Variants in MESP1 observed in about 807,000 individuals in gnomAD.
MESP1 encodes the protein mesoderm posterior protein 1.
A neutral mutation model predicts 15.2 loss-of-function variants in MESP1; 22 were observed. The observed-to-expected ratio is 1.45, with a 90% CI of 1.04 to 2.07. The LOEUF is 2.07. Ranked by LOEUF, MESP1 falls within the 30% of genes most tolerant of loss-of-function variation. The pLI, the probability that MESP1 is intolerant of heterozygous loss-of-function variation, is 0.00. For missense variants in MESP1, 484 were observed against 411.9 expected (o/e 1.17, Z -1.51); for synonymous variants, 216 against 192.6 (o/e 1.12, Z -1.01).
the MESP1 span, among the ~76,000 whole-genome samples, chr15:89,739,703 A>C: frequency 3.0e-4 from 45 of 152,182 alleles, no homozygotes; most frequent in Non-Finnish European, 4.6e-4. Context: ...CTACAGAACT[A>C]GGTGGCTCTG....
chr15:89,746,199 T>TCA (rs1967945017), downstream of MESP1, among the ~76,000 whole-genome samples: 1 of 120,014 alleles, frequency 8.3e-6, no homozygotes, highest in Non-Finnish European at 1.7e-5. Flanking sequence ...CCATACCTAC[T>TCA]CACCTCCACA....
the MESP1 span, among the ~76,000 whole-genome samples, chr15:89,740,565 G>A: frequency 6.6e-6 from 1 of 152,252 alleles, no homozygotes; most frequent in East Asian, 1.9e-4. Flanking sequence ...GCACTGGCGC[G>A]ATCTCGGCTC....
chr15:89,750,133 G>C lies in MESP1; in HGVS notation c.*11C>G. 6.2e-7 allele frequency: 1 copy of C among 1,613,546 alleles called. No homozygotes were observed. The highest frequency in any genetic ancestry group is 1.7e-5 in the Admixed American group (1 of 60,036). ...CTCGGTGCTCACAGAGACGGCGTCA[G>C]TTGTCCCTTGTCACTTGGGCTCCTC... On this transcript the variant is annotated 3_prime_UTR_variant, in exon 2 of 2. Coordinates refer to ENST00000300057, the MANE Select transcript of MESP1 (RefSeq NM_018670.4).
rs770170468 is a variant in MESP1 at position 89,750,988 on chromosome 15, C to G, written c.244G>C (p.Gly82Arg). The change falls in exon 1 of 2, where the codon GGG (glycine) becomes CGG (arginine). Residue 82 changes from glycine (G) to arginine (R), a missense_variant. Coordinates refer to ENST00000300057, the MANE Select transcript of MESP1 (RefSeq NM_018670.4). ...RGARSSRLGS[G>R]QRQSASEREK... ...CGCTCACTGGCGCTCTGCCTCTGCC[C>G]GCTGCCCAGGCGGCTGCTGCGCGCG... The G allele has an allele frequency of 4.0e-4, 565 of 1,404,138 alleles. No individual in the cohort carries two copies. Among genetic ancestry groups the G allele is most frequent in the Non-Finnish European group, 4.9e-4 (526 of 1,084,420 alleles). The allele number at this position is 1,404,138 out of a possible 1,614,324, so 87.0% of individuals were successfully genotyped here.
the MESP1 span, chr15:89,743,314 C>G: frequency 6.2e-7 from 1 of 1,614,156 alleles, no homozygotes; most frequent in Non-Finnish European, 8.5e-7. Flanking sequence ...GGAGAAGAAC[C>G]CAGAGAAGGA....
At chr15:89,740,256 T>G in the MESP1 span, among the ~76,000 whole-genome samples, 1 of 152,190 alleles carries the variant, frequency 6.6e-6, no homozygotes, top group African/African-American at 2.4e-5. Context: ...ATAGCTCCTC[T>G]CCGCTTCCTA....
the MESP1 span, among the ~76,000 whole-genome samples, chr15:89,743,982 AG>A: frequency 1.3e-5 from 2 of 152,204 alleles, no homozygotes; most frequent in Admixed American, 1.3e-4. Context: ...CTGCTGGCTC[AG>A]GAACGCTAGA....
At chr15:89,747,209 G>A (rs1433678120), downstream of MESP1, among the ~76,000 whole-genome samples, 1 of 151,910 alleles carries the variant, frequency 6.6e-6, no homozygotes. Context: ...CCCACAGTTG[G>A]CCCGTCCCCA....
At chr15:89,747,101 T>TACACACACAC (rs539868537), downstream of MESP1, among the ~76,000 whole-genome samples, 7 of 127,578 alleles carry the variant, frequency 5.5e-5, no homozygotes, top group South Asian at 1.1e-3. Flanking sequence ...CACTGCCACA[T>TACACACACAC]ACACACACAC....
At chr15:89,738,769 G>A in the MESP1 span, among the ~76,000 whole-genome samples, 1 of 152,060 alleles carries the variant, frequency 6.6e-6, no homozygotes. Context: ...GCTTCCAGTT[G>A]GTGTTTTCTT....
the MESP1 span, among the ~76,000 whole-genome samples, chr15:89,740,058 G>A: frequency 6.6e-6 from 1 of 152,196 alleles, no homozygotes; most frequent in Non-Finnish European, 1.5e-5. Flanking sequence ...TGAGATGCCA[G>A]GCTGTGTTCT....
chr15:89,733,303 C>A, the MESP1 span: 1 of 1,293,200 alleles, frequency 7.7e-7, no homozygotes, highest in South Asian at 1.4e-5. Context: ...GACAGCCTCT[C>A]TGACTACAGT....
chr15:89,746,570 C>T (rs1288245570), downstream of MESP1, among the ~76,000 whole-genome samples: 5 of 149,614 alleles, frequency 3.3e-5, no homozygotes, highest in African/African-American at 9.9e-5. Context: ...TACACACAGC[C>T]CTGCCTCCGC....
At chr15:89,732,642 C>CAT in the MESP1 span, among the ~76,000 whole-genome samples, 1 of 151,012 alleles carries the variant, frequency 6.6e-6, no homozygotes, top group Non-Finnish European at 1.5e-5. Context: ...CACACACACA[C>CAT]CGCCTTTTCT....
the MESP1 span, chr15:89,735,465 T>C: frequency 3.7e-6 from 6 of 1,611,690 alleles, no homozygotes; most frequent in African/African-American, 4.0e-5. Flanking sequence ...AGTAGGAGAA[T>C]GTCTGTATAT....
chr15:89,738,735 A>G, the MESP1 span, among the ~76,000 whole-genome samples: 7 of 152,118 alleles, frequency 4.6e-5, no homozygotes, highest in Non-Finnish European at 1.0e-4. Context: ...AAGAGTCATT[A>G]ATTCAGGCTG....
the MESP1 span, among the ~76,000 whole-genome samples, chr15:89,734,393 C>T: frequency 1.3e-5 from 2 of 152,116 alleles, no homozygotes; most frequent in African/African-American, 4.8e-5. Flanking sequence ...CAGTGCACCT[C>T]GGTTTTCCTC....
At chr15:89,741,909 GC>G in the MESP1 span, among the ~76,000 whole-genome samples, 1 of 152,066 alleles carries the variant, frequency 6.6e-6, no homozygotes, top group Non-Finnish European at 1.5e-5. Flanking sequence ...ATGCCACCAT[GC>G]CCAGCTAATT....
Position 89,751,123 on chromosome 15 carries a change from C to T in MESP1, c.109G>A (p.Val37Ile). The part of the protein sequence containing the change: ...PSDKDCGRSL[V>I]SSPDSWGSTP... ...CTGCCCCATGAGTCTGGGGACGAGACGAGGGAGCGGCCGCAGTCCTTGTCG... is the reference window on the plus strand; with the variant it reads ...CTGCCCCATGAGTCTGGGGACGAGATGAGGGAGCGGCCGCAGTCCTTGTCG... The change falls in exon 1 of 2, where the codon GTC becomes ATC. Residue 37 changes from valine (V) to isoleucine (I), a missense_variant. Val to Ile is a conservative substitution (Grantham distance 29, BLOSUM62 3). Transcript: ENST00000300057. 2.3e-6 allele frequency: 3 copies of T among 1,281,556 alleles called. No individual in the cohort carries two copies. The highest frequency in any genetic ancestry group is 2.9e-5 in the East Asian group (1 of 33,940). 79.4% of individuals were successfully genotyped at this position (1,281,556 alleles called of 1,614,324 possible). A position where few individuals can be genotyped will look rare whatever the true frequency, so the allele number is the denominator to read the frequency against.
Sources: gnomAD v4.1 joint callset for allele counts (sites outside exome capture counted in the v4.1 genomes callset) on GRCh38, gnomAD v4.1.1 for gene constraint, MANE v1.5 for transcripts, NCBI Gene and HGNC (gene_info 2026-07-23, HGNC 2026-07-21) for gene names.